Variants in GRID2 observed in about 807,000 individuals in gnomAD.
The protein encoded by GRID2 is glutamate ionotropic receptor delta type subunit 2.
Under a neutral mutation model 114.8 loss-of-function variants are expected in GRID2, and 33 were observed. That is an observed-to-expected ratio of 0.29 (90% confidence interval 0.22 to 0.38). GRID2 has a LOEUF of 0.38. Among genes scored for constraint, GRID2 ranks in the 10% least tolerant of loss-of-function variants. GRID2 has a pLI of 1.00. For missense variants in GRID2, 1,184 were observed against 1,257.7 expected, an observed-to-expected ratio of 0.94 and a Z score of 0.89; for synonymous variants, 505 against 449.9, an observed-to-expected ratio of 1.12 and a Z score of -1.55.
At chr4:92,751,718 AACTT>A (rs1163536632) in intron 2 of GRID2, among the ~76,000 whole-genome samples, 1 of 152,204 alleles carries the variant, frequency 6.6e-6, no homozygotes, top group East Asian at 1.9e-4. Context: ...TTTAAATACT[AACTT>A]ATACTATACT....
intron 14 of GRID2, among the ~76,000 whole-genome samples, chr4:93,759,751 T>C (rs1733051412): frequency 6.6e-6 from 1 of 152,174 alleles, no homozygotes; most frequent in African/African-American, 2.4e-5. Flanking sequence ...CATGAGATAC[T>C]CATGTGGCTC....
downstream of GRID2, among the ~76,000 whole-genome samples, chr4:93,775,058 C>A (rs954715708): frequency 1.3e-5 from 2 of 151,150 alleles, no homozygotes; most frequent in African/African-American, 2.4e-5. Context: ...AGTTTTCCTG[C>A]ATTTGAACAA....
intron 1 of GRID2, among the ~76,000 whole-genome samples, chr4:92,576,254 C>A (rs1727887633): frequency 6.6e-6 from 1 of 152,226 alleles, no homozygotes; most frequent in Non-Finnish European, 1.5e-5. Flanking sequence ...GGCAAAGCAG[C>A]TGTGCTGCAC....
At chr4:93,316,298 A>ACG (rs1396298257) in intron 8 of GRID2, among the ~76,000 whole-genome samples, 87 of 70,676 alleles carry the variant, frequency 1.2e-3, no homozygotes, top group Non-Finnish European at 1.2e-3. Flanking sequence ...GAACGAAAGA[A>ACG]AGAAAGAAAG....
At chr4:93,554,079 T>C (rs1048492880) in intron 13 of GRID2, among the ~76,000 whole-genome samples, 2 of 152,190 alleles carry the variant, frequency 1.3e-5, no homozygotes, top group Middle Eastern at 3.2e-3. Flanking sequence ...AGTAGTGAGA[T>C]TCAGTCTCAC....
At chr4:92,509,681 A>G (rs1305751884) in intron 1 of GRID2, among the ~76,000 whole-genome samples, 1 of 151,948 alleles carries the variant, frequency 6.6e-6, no homozygotes, top group African/African-American at 2.4e-5. Context: ...AGAGTGGTTG[A>G]AAAGGGCATT....
At chr4:93,227,625 T>G (rs1745647376) in intron 7 of GRID2, among the ~76,000 whole-genome samples, 1 of 152,230 alleles carries the variant, frequency 6.6e-6, no homozygotes, top group African/African-American at 2.4e-5. Flanking sequence ...TTAAGTCGTT[T>G]ATTTTTCTCA....
intron 10 of GRID2, among the ~76,000 whole-genome samples, chr4:93,442,962 A>G (rs1384695284): frequency 1.3e-5 from 2 of 151,894 alleles, no homozygotes; most frequent in Non-Finnish European, 2.9e-5. Flanking sequence ...TTGTCCTTGA[A>G]TTCTCTTCTC....
At chr4:92,915,848 G>A (rs1427723112) in intron 2 of GRID2, among the ~76,000 whole-genome samples, 6 of 151,994 alleles carry the variant, frequency 3.9e-5, no homozygotes, top group Non-Finnish European at 7.4e-5. Context: ...ATGATTGTTG[G>A]CCACATGTAT....
chr4:92,530,714 A>G (rs926226932), intron 1 of GRID2, among the ~76,000 whole-genome samples: 1 of 148,460 alleles, frequency 6.7e-6, no homozygotes, highest in Non-Finnish European at 1.5e-5. Flanking sequence ...AGACTGACCA[A>G]CATAGTGAAA....
At chr4:92,776,036 G>A (rs1468917722) in intron 2 of GRID2, among the ~76,000 whole-genome samples, 3 of 152,070 alleles carry the variant, frequency 2.0e-5, no homozygotes, top group South Asian at 2.1e-4. Context: ...ATATGATTCT[G>A]TAAAAATTAA....
At chr4:93,739,533 G>A (rs568941800) in intron 14 of GRID2, among the ~76,000 whole-genome samples, 32 of 152,036 alleles carry the variant, frequency 2.1e-4, no homozygotes, top group Admixed American at 9.8e-4. Context: ...ATTTTTAAAG[G>A]GATAACTATT....
chr4:93,468,725 T>C (rs745355883), intron 11 of GRID2, among the ~76,000 whole-genome samples: 28 of 151,978 alleles, frequency 1.8e-4, no homozygotes, highest in Non-Finnish European at 2.6e-4. Flanking sequence ...AATGGAGAAT[T>C]ATGGAGTACT....
At chr4:93,264,608 CCTACAATTT>C (rs1352546516) in intron 8 of GRID2, among the ~76,000 whole-genome samples, 1 of 150,418 alleles carries the variant, frequency 6.6e-6, no homozygotes, top group African/African-American at 2.5e-5. Context: ...TTTCTGTGTT[CCTACAATTT>C]CTCTTCTCCT....
chr4:93,174,037 C>T (rs140577004), intron 4 of GRID2, among the ~76,000 whole-genome samples: 112 of 152,206 alleles, frequency 7.4e-4, no homozygotes, highest in Non-Finnish European at 1.2e-3. Flanking sequence ...CCCTGGATTT[C>T]GTCTTACATA....
At chr4:93,533,537 C>CTTTTTTTTT (rs34014956) in intron 13 of GRID2, among the ~76,000 whole-genome samples, 5 of 86,512 alleles carry the variant, frequency 5.8e-5, no homozygotes, top group East Asian at 3.3e-4. Flanking sequence ...CCACACCCAG[C>CTTTTTTTTT]TTTTTTTTTT....
At chr4:92,655,300 G>A (rs141005332) in intron 2 of GRID2, among the ~76,000 whole-genome samples, 65 of 151,850 alleles carry the variant, frequency 4.3e-4, no homozygotes, top group African/African-American at 1.5e-3. Flanking sequence ...CTTATATTTC[G>A]CAGTTAGGTA....
At chr4:93,066,650 T>C (rs1249139640) in intron 2 of GRID2, among the ~76,000 whole-genome samples, 1 of 152,040 alleles carries the variant, frequency 6.6e-6, no homozygotes, top group East Asian at 1.9e-4. Flanking sequence ...TATTTTTATC[T>C]TATAATAAGA....
intron 4 of GRID2, among the ~76,000 whole-genome samples, chr4:93,113,879 T>C (rs1212858476): frequency 1.3e-5 from 2 of 151,986 alleles, no homozygotes; most frequent in Non-Finnish European, 2.9e-5. Context: ...AGGAAGACCA[T>C]AAATAAAACC....
Sources: allele counts gnomAD v4.1 joint callset (sites outside exome capture counted in the v4.1 genomes callset), GRCh38; gene constraint gnomAD v4.1.1; transcripts MANE v1.5; gene names NCBI Gene and HGNC (gene_info 2026-07-23, HGNC 2026-07-21).